TMC4: variants seen among roughly 807,000 people sequenced by gnomAD.
TMC4 encodes voltage-gated chloride channel TMC4.
In TMC4, 70 loss-of-function variants were observed where a neutral mutation model predicts 82.0. That is an observed-to-expected ratio of 0.85 (90% CI 0.70 to 1.04). The LOEUF (loss-of-function observed/expected upper bound fraction) is 1.04. TMC4 is among the 50% of genes least tolerant of loss of function. The pLI is 0.00. For missense variants in TMC4, 879 were observed against 899.0 expected, an observed-to-expected ratio of 0.98 and a Z score of 0.28; for synonymous variants, 446 against 406.0, an observed-to-expected ratio of 1.10 and a Z score of -1.18.
chr19:54,170,457 T>C (rs538317160), intron 2 of TMC4, among the ~76,000 whole-genome samples: 154 of 152,214 alleles, frequency 1.0e-3, no homozygotes, highest in Non-Finnish European at 1.6e-3. Flanking sequence ...CTGGAGTTTA[T>C]CTGGGCTCTC....
At chr19:54,169,435 T>C in intron 3 of TMC4, 77 bp downstream of exon 3, 6 of 1,442,284 alleles carry the variant, frequency 4.2e-6, no homozygotes, top group Non-Finnish European at 4.6e-6. Flanking sequence ...AACCCAGGAG[T>C]CCGTCCCCAG....
Position 54,162,147 on chromosome 19 carries a change from G to T in TMC4, c.1641C>A (p.Pro547=). ...WVGSFFCPLL[P]LLNTVKFLLL... Reference sequence around the variant, plus strand: ...GCAGGAACTTGACCGTGTTAAGCAGGGGCAGTAAAGGGCAGAAAAAACTCC... The same window carrying T: ...GCAGGAACTTGACCGTGTTAAGCAGTGGCAGTAAAGGGCAGAAAAAACTCC... The change falls in exon 11 of 15, where the codon CCC becomes CCA. Residue 547 remains proline, a synonymous_variant. Coordinates refer to ENST00000619895, the MANE Select transcript of TMC4 (RefSeq NM_144686.4). 1 of 1,613,750 alleles carries T rather than the reference G, an allele frequency of 6.2e-7. No individual in the cohort carries two copies. The highest frequency in any genetic ancestry group is 1.3e-5 in the African/African-American group (1 of 74,974).
intron 13 of TMC4, 33 bp from the exon 14 acceptor site, chr19:54,160,578 C>T (rs900485723): frequency 6.2e-7 from 1 of 1,613,774 alleles, no homozygotes; most frequent in African/African-American, 1.3e-5. Context: ...CCACTCCTGA[C>T]ACGCTCTTCC....
chr19:54,172,913 A>T, intron 1 of TMC4, 126 bp downstream of exon 1: 1 of 790,016 alleles, frequency 1.3e-6, no homozygotes, highest in Non-Finnish European at 2.0e-6. Context: ...CCATAATATC[A>T]GGAAGTGGAA....
intron 5 of TMC4, among the ~76,000 whole-genome samples, chr19:54,166,237 G>A (rs1410709806): frequency 6.6e-6 from 1 of 151,268 alleles, no homozygotes; most frequent in African/African-American, 2.4e-5. Context: ...AAATTAGCCA[G>A]GCGTGGTGGT....
At chr19:54,162,075 G>T in intron 11 of TMC4, 27 bp downstream of exon 11, 1 of 1,582,228 alleles carries the variant, frequency 6.3e-7, no homozygotes, top group South Asian at 1.1e-5. Context: ...TCCTGCCTCA[G>T]ACCCAAGGGT....
intron 2 of TMC4, among the ~76,000 whole-genome samples, chr19:54,171,156 C>T (rs1475456538): frequency 2.3e-5 from 1 of 43,280 alleles, no homozygotes; most frequent in Non-Finnish European, 5.0e-5. Context: ...TCACCCAGGC[C>T]GGAGTCCAAT....
Position 54,163,094 on chromosome 19 carries a change from C to T in TMC4, c.1343G>A (p.Cys448Tyr). ...LLFSLWNQIT[C>Y]GGDSEAEDCK... ...GTCCTCAGCCTCGGAGTCGCCCCCA[C>T]AAGTGATCTGATTCCAGAGAGAGAA... Residue 448 changes from cysteine (C) to tyrosine (Y), a missense_variant, in exon 9 of 15, where the codon TGT becomes TAT. Transcript: ENST00000619895. 6.2e-7 allele frequency: 1 copy of T among 1,613,924 alleles called. No individual in the cohort carries two copies. Among genetic ancestry groups the T allele is most frequent in the African/African-American group, 1.3e-5 (1 of 74,944 alleles).
intron 5 of TMC4, among the ~76,000 whole-genome samples, chr19:54,166,030 C>T (rs997632568): frequency 2.0e-5 from 3 of 152,004 alleles, no homozygotes; most frequent in African/African-American, 4.8e-5. Flanking sequence ...GGAGCTGCGG[C>T]GGGAAGAGCC....
At chr19:54,164,710 C>T in intron 6 of TMC4, 109 bp from the exon 7 acceptor site, 1 of 1,409,936 alleles carries the variant, frequency 7.1e-7, no homozygotes, top group South Asian at 1.2e-5. Context: ...CTGATGCAGC[C>T]GTCTCCCCAC....
At chr19:54,169,935 C>CT (rs2075843471) in intron 2 of TMC4, among the ~76,000 whole-genome samples, 1 of 133,292 alleles carries the variant, frequency 7.5e-6, no homozygotes, top group South Asian at 2.3e-4. Flanking sequence ...ACTAAAAATA[C>CT]CAAAAAAAAA....
intron 3 of TMC4, among the ~76,000 whole-genome samples, chr19:54,168,904 CTT>C (rs1491141953): frequency 1.7e-4 from 3 of 17,470 alleles, no homozygotes; most frequent in Non-Finnish European, 2.8e-4. Context: ...TCCTTTCTTT[CTT>C]CTTTCTTTCC....
rs2075760192 is a variant in TMC4, at chr19:54,168,498, G to T, written c.625C>A (p.Gln209Lys). 1 of 1,547,918 alleles carries T rather than the reference G, an allele frequency of 6.5e-7. No homozygotes were observed. The highest frequency in any genetic ancestry group is 8.7e-7 in the Non-Finnish European group (1 of 1,145,812). Residue 209 changes from glutamine to lysine, a missense_variant, in exon 4 of 15, where the codon CAG (glutamine) becomes AAG (lysine). Gln to Lys is a moderately conservative substitution (Grantham distance 53, BLOSUM62 1). Coordinates refer to ENST00000619895, the MANE Select transcript of TMC4 (RefSeq NM_144686.4). Reference sequence around the variant, plus strand: ...TGGGTGGCAAAGGTGACCAGGCCCTGGGAGTGGGGGTTATAGGAGCCGCAG... The same window carrying T: ...TGGGTGGCAAAGGTGACCAGGCCCTTGGAGTGGGGGTTATAGGAGCCGCAG... ...SPCGSYNPHS[Q>K]GLVTFATQLF...
At position 54,164,497 on chromosome 19, in the gene TMC4, G is replaced by T. The variant is rs1299031389; in HGVS notation, c.1050C>A (p.Val350=). Residue 350 remains valine (V), a synonymous_variant, in exon 7 of 15, where the codon GTC becomes GTA. Coordinates refer to ENST00000619895, the MANE Select transcript of TMC4 (RefSeq NM_144686.4). ...CATAGAAGGCTGCCCCCAGGAGCGCGACCACCAGCAGGTTGAGCAGCACCC... is the reference window on the plus strand; with the variant it reads ...CATAGAAGGCTGCCCCCAGGAGCGCTACCACCAGCAGGTTGAGCAGCACCC... ...LVRVLLNLLV[V]ALLGAAFYGV... 3 of 1,613,672 alleles carry T rather than the reference G, an allele frequency of 1.9e-6. No homozygotes were observed. The highest frequency in any genetic ancestry group is 1.7e-6 in the Non-Finnish European group (2 of 1,179,956).
chr19:54,164,403 C>T, intron 7 of TMC4, 31 bp downstream of exon 7: 3 of 1,584,092 alleles, frequency 1.9e-6, no homozygotes, highest in Non-Finnish European at 2.6e-6. Flanking sequence ...TTCCAGGACC[C>T]CCTGGCTTCC....
chr19:54,166,412 G>A (rs2075707206), intron 5 of TMC4, among the ~76,000 whole-genome samples: 1 of 151,462 alleles, frequency 6.6e-6, no homozygotes, highest in Non-Finnish European at 1.5e-5. Context: ...GAAGGAGATA[G>A]AGAACCCCAG....
Position 54,168,400 on chromosome 19 carries a change from C to G in TMC4, c.675+48G>C, listed in dbSNP as rs200578009. The G allele has an allele frequency of 6.0e-4, 914 of 1,520,218 alleles. 12 individuals carry two copies. The African/African-American group carries it at 0.01, about 17-fold the overall frequency. 94.2% of individuals were successfully genotyped at this position (1,520,218 alleles called of 1,614,324 possible). Reference sequence around the variant, plus strand: ...TTTGAGGTTCGTGTCATTGAAGGCACTGGGGTCACAGGTGGGCGGGGAATC... The same window carrying G: ...TTTGAGGTTCGTGTCATTGAAGGCAGTGGGGTCACAGGTGGGCGGGGAATC... On this transcript the variant is annotated intron_variant, in intron 4 of 14. Coordinates refer to ENST00000619895, the MANE Select transcript of TMC4 (RefSeq NM_144686.4).
rs58329832 is a variant in TMC4 at position 54,166,323 on chromosome 19, CAAAAAA to C, written c.798-763_798-758del. Among the ~76,000 whole-genome samples, 392 of 107,998 alleles carry C rather than the reference CAAAAAA, an allele frequency of 3.6e-3. 2 individuals are homozygous for C. The highest frequency in any genetic ancestry group is 5.1e-3 in the Non-Finnish European group (263 of 51,846). The allele number at this position is 107,998 out of a possible 152,430, so 70.9% of individuals were successfully genotyped here. A position where few individuals can be genotyped will look rare whatever the true frequency, so the allele number is the denominator to read the frequency against. On this transcript the variant is annotated intron_variant, in intron 5 of 14. Coordinates refer to ENST00000619895, the MANE Select transcript of TMC4 (RefSeq NM_144686.4). ...GAACCCAGGAGGTGGAGGTCGCCTC[CAAAAAA>C]AAAAAAAAAAAAAAAAAGACCCAGA...
In TMC4 at chr19:54,163,901, G is replaced by A; in HGVS notation, c.1114-14C>T. 6 of 1,613,778 alleles carry A rather than the reference G, an allele frequency of 3.7e-6. No individual in the cohort carries two copies. Among genetic ancestry groups the A allele is most frequent in the South Asian group, 1.1e-5 (1 of 91,068 alleles). ...AAGGGGCATCTCCTGGGAGCGGGAT[G>A]GACCATGAGTAGAGGCTTGGGGTCC... is the stretch of plus-strand genomic sequence containing the variant. On this transcript the variant is annotated splice_polypyrimidine_tract_variant and intron_variant, in intron 7 of 14. Coordinates refer to ENST00000619895, the MANE Select transcript of TMC4 (RefSeq NM_144686.4).
Sources: gnomAD v4.1 joint callset for allele counts (sites outside exome capture counted in the v4.1 genomes callset) on GRCh38, gnomAD v4.1.1 for gene constraint, MANE v1.5 for transcripts, NCBI Gene and HGNC (gene_info 2026-07-23, HGNC 2026-07-21) for gene names.